The following PXDNL variants were observed in gnomAD, a reference collection of about 807,000 sequenced individuals.
The protein encoded by PXDNL is probable oxidoreductase PXDNL.
Under a neutral mutation model 150.8 loss-of-function variants are expected in PXDNL, and 145 were observed. The ratio of observed to expected loss-of-function variants is 0.96; its 90% CI spans 0.84 to 1.10. The LOEUF (loss-of-function observed/expected upper bound fraction) is 1.10, where lower values mean the gene tolerates loss of function less well. Among genes scored for constraint, PXDNL ranks in the 50% least tolerant of loss-of-function variants. The probability of loss-of-function intolerance (pLI) is 0.00; values close to 1 mark genes in which losing one functional copy is unlikely to be tolerated. For missense variants in PXDNL, 2,087 were observed against 1,873.9 expected (o/e 1.11, Z -2.10); for synonymous variants, 757 against 725.7 (o/e 1.04, Z -0.69).
chr8:51,710,513 G>A (rs966974284), intron 1 of PXDNL, among the ~76,000 whole-genome samples: 1 of 152,088 alleles, frequency 6.6e-6, no homozygotes, highest in Non-Finnish European at 1.5e-5. Context: ...ACCAACTATA[G>A]TCACCATGTT....
chr8:51,492,633 G>A (rs200606382), intron 5 of PXDNL, among the ~76,000 whole-genome samples: 6 of 152,146 alleles, frequency 3.9e-5, no homozygotes, highest in Non-Finnish European at 7.4e-5. Context: ...CCAGGAGATT[G>A]TATCCCGCAC....
intron 21 of PXDNL, among the ~76,000 whole-genome samples, chr8:51,336,357 G>A (rs975654419): frequency 1.3e-5 from 2 of 152,200 alleles, no homozygotes; most frequent in African/African-American, 4.8e-5. Flanking sequence ...CCACAAAGTG[G>A]CATACACTGA....
chr8:51,658,459 C>T (rs556058378), intron 1 of PXDNL, among the ~76,000 whole-genome samples: 1 of 151,672 alleles, frequency 6.6e-6, no homozygotes, highest in African/African-American at 2.4e-5. Context: ...TTCAAATATA[C>T]CAAAATGAAT....
At chr8:51,642,550 T>G (rs1427651083) in intron 2 of PXDNL, among the ~76,000 whole-genome samples, 1 of 151,916 alleles carries the variant, frequency 6.6e-6, no homozygotes, top group Non-Finnish European at 1.5e-5. Flanking sequence ...CTCAAAATAA[T>G]AAGAGTTATT....
At chr8:51,617,776 A>G (rs1002626392) in intron 2 of PXDNL, among the ~76,000 whole-genome samples, 1 of 152,252 alleles carries the variant, frequency 6.6e-6, no homozygotes, top group Non-Finnish European at 1.5e-5. Flanking sequence ...CACAAATGAC[A>G]TATTGGTTTA....
chr8:51,552,150 G>A (rs936243310), intron 4 of PXDNL, among the ~76,000 whole-genome samples: 2 of 152,100 alleles, frequency 1.3e-5, no homozygotes, highest in African/African-American at 2.4e-5. Context: ...CTGCAAGAAC[G>A]GCCATAATGT....
intron 10 of PXDNL, among the ~76,000 whole-genome samples, chr8:51,452,169 G>A (rs1013445851): frequency 1.3e-5 from 2 of 152,192 alleles, no homozygotes; most frequent in Non-Finnish European, 2.9e-5. Context: ...AAGTGATCAG[G>A]CGTTAGGTTT....
Position 51,556,915 on chromosome 8 carries a change from G to A in PXDNL, c.309-4C>T. The A allele has an allele frequency of 6.7e-7, 1 of 1,482,812 alleles. No homozygotes were observed. Among genetic ancestry groups the A allele is most frequent in the Non-Finnish European group, 9.4e-7 (1 of 1,062,022 alleles). 91.9% of individuals were successfully genotyped at this position (1,482,812 alleles called of 1,614,324 possible). A position where few individuals can be genotyped will look rare whatever the true frequency, so the allele number is the denominator to read the frequency against. On this transcript the variant is annotated splice_polypyrimidine_tract_variant and splice_region_variant and intron_variant, in intron 3 of 22. Transcript: ENST00000356297. The stretch of plus-strand genomic sequence containing the variant: ...GATTTCATTCTTATACAGGTACCTG[G>A]AAAATATATAGAATGTCATTAAATT...
rs547335124 is a variant in PXDNL at position 51,807,984 on chromosome 8, A to G, written c.164+1197T>C. 3.9e-5 allele frequency among the ~76,000 whole-genome samples: 6 copies of G among 152,362 alleles called. No individual in the cohort carries two copies. The South Asian group carries it at 1.2e-3, about 32-fold the overall frequency. On this transcript the variant is annotated intron_variant, in intron 1 of 22. Transcript: ENST00000356297. ...TGCTCCCAAGTTCAAGAATCCTTTC[A>G]GTTATTACAGTAAGACGTATTTTGA...
rs200229471 is a variant in PXDNL at position 51,566,870 on chromosome 8, G to C, written c.309-9959C>G. 3.3e-5 allele frequency among the ~76,000 whole-genome samples: 5 copies of C among 150,526 alleles called. No homozygotes were observed. The East Asian group carries it at 9.9e-4, about 30-fold the overall frequency. On this transcript the variant is annotated intron_variant, in intron 3 of 22. Transcript: ENST00000356297. Reference sequence around the variant, plus strand: ...TTTTTTTCTCTTGTCTCCTATGATTGGAAGTCTAGATTATTGATTTTATAT... The same window carrying C: ...TTTTTTTCTCTTGTCTCCTATGATTCGAAGTCTAGATTATTGATTTTATAT...
chr8:51,516,783 T>C (rs1811550177), intron 4 of PXDNL, among the ~76,000 whole-genome samples: 1 of 152,156 alleles, frequency 6.6e-6, no homozygotes, highest in South Asian at 2.1e-4. Context: ...TTCCTGACAC[T>C]AGGGACCAAT....
chr8:51,607,257 T>C (rs1486306587), intron 2 of PXDNL, among the ~76,000 whole-genome samples: 2 of 152,086 alleles, frequency 1.3e-5, no homozygotes, highest in Non-Finnish European at 2.9e-5. Context: ...ATTGTCCATA[T>C]GCAGCTCACA....
At chr8:51,322,479 G>C (rs907648559) in intron 21 of PXDNL, among the ~76,000 whole-genome samples, 10 of 152,092 alleles carry the variant, frequency 6.6e-5, no homozygotes, top group African/African-American at 2.4e-4. Flanking sequence ...AGAAAATTAG[G>C]CCCTTAAAAG....
chr8:51,423,986 T>C (rs2060108), intron 13 of PXDNL, among the ~76,000 whole-genome samples: 1 of 152,112 alleles, frequency 6.6e-6, no homozygotes, highest in Non-Finnish European at 1.5e-5. Flanking sequence ...TTATTTAACA[T>C]AATAATAATT....
At chr8:51,413,125 C>T (rs1242984608) in intron 15 of PXDNL, 25 bp downstream of exon 15, 2 of 1,341,064 alleles carry the variant, frequency 1.5e-6, no homozygotes, top group Non-Finnish European at 2.1e-6. Context: ...AACAAGGTTT[C>T]AATCTGTGTA....
intron 1 of PXDNL, among the ~76,000 whole-genome samples, chr8:51,745,531 C>G (rs941579435): frequency 6.6e-6 from 1 of 152,152 alleles, no homozygotes. Context: ...ACTAAAGCAG[C>G]AGATTTATTC....
chr8:51,729,560 C>G (rs916313120), intron 1 of PXDNL, among the ~76,000 whole-genome samples: 2 of 152,154 alleles, frequency 1.3e-5, no homozygotes, highest in Non-Finnish European at 2.9e-5. Context: ...GAATGCAAAA[C>G]AGTAGAGCCA....
intron 10 of PXDNL, among the ~76,000 whole-genome samples, chr8:51,452,500 T>C (rs1266176558): frequency 6.6e-6 from 1 of 152,194 alleles, no homozygotes; most frequent in Non-Finnish European, 1.5e-5. Flanking sequence ...ACAGTTCAAT[T>C]TAGAAAACAT....
At chr8:51,340,642 A>G (rs1283829381) in intron 20 of PXDNL, among the ~76,000 whole-genome samples, 2 of 152,198 alleles carry the variant, frequency 1.3e-5, no homozygotes, top group African/African-American at 2.4e-5. Flanking sequence ...TAAATCAGAG[A>G]CATAGTATAG....
Sources: gnomAD v4.1 joint callset for allele counts (sites outside exome capture counted in the v4.1 genomes callset) on GRCh38, gnomAD v4.1.1 for gene constraint, MANE v1.5 for transcripts, NCBI Gene and HGNC (gene_info 2026-07-23, HGNC 2026-07-21) for gene names.